Variants in TTC28 observed in about 807,000 individuals in gnomAD.
TTC28 encodes tetratricopeptide repeat domain 28.
Under a neutral mutation model 198.0 loss-of-function variants are expected in TTC28, and 61 were observed. That is an observed-to-expected ratio of 0.31 (90% CI 0.25 to 0.38). TTC28 has a LOEUF of 0.38. Among genes scored for constraint, TTC28 ranks in the 10% least tolerant of loss-of-function variants. The pLI, the probability that TTC28 is intolerant of heterozygous loss-of-function variation, is 1.00. For synonymous variants in TTC28, 1,171 were observed against 1,297.8 expected, an observed-to-expected ratio of 0.90 and a Z score of 2.10; for missense variants, 2,678 against 3,164.0, an observed-to-expected ratio of 0.85 and a Z score of 3.69.
At chr22:28,492,180 G>A (rs2146346086) in intron 2 of TTC28, among the ~76,000 whole-genome samples, 1 of 152,192 alleles carries the variant, frequency 6.6e-6, no homozygotes, top group South Asian at 2.1e-4. Context: ...GTTAATGGGT[G>A]CAGCACACCA....
At chr22:28,618,021 C>T (rs766256189) in intron 2 of TTC28, among the ~76,000 whole-genome samples, 8 of 152,292 alleles carry the variant, frequency 5.3e-5, no homozygotes, top group Non-Finnish European at 8.8e-5. Flanking sequence ...GCCTGCAATC[C>T]CAGCACTTTG....
intron 2 of TTC28, among the ~76,000 whole-genome samples, chr22:28,588,221 T>C (rs897443208): frequency 1.3e-5 from 2 of 151,772 alleles, no homozygotes; most frequent in African/African-American, 4.8e-5. Flanking sequence ...TAAAAATATA[T>C]ATAAAGCTGT....
intron 13 of TTC28, chr22:28,028,984 A>G (rs570954821): frequency 6.6e-5 from 31 of 470,990 alleles, no homozygotes; most frequent in African/African-American, 5.2e-4. Flanking sequence ...AGCTCTTCAC[A>G]CTCTAGTTTA....
rs1389339551 is a variant in TTC28, at chr22:28,105,572, C to A, written c.3014G>T (p.Gly1005Val). ...LESDAACGLG[G>V]VYQQMGEYDT... is the part of the protein sequence containing the mutation. Reference sequence around the variant, plus strand: ...ATACTCCCCCATCTGCTGGTAAACGCCCCCCAGGCCACAGGCTGCGTCACT... The same window carrying A: ...ATACTCCCCCATCTGCTGGTAAACGACCCCCAGGCCACAGGCTGCGTCACT... Residue 1005 changes from glycine to valine, a missense_variant, in exon 8 of 23, where the codon GGC becomes GTC. Physicochemically the swap from Gly to Val is moderately radical, Grantham distance 109. This residue lies in a region of TTC28 where 727 missense variants were observed against 861.9 expected (regional missense o/e 0.84). Coordinates refer to ENST00000397906, the MANE Select transcript of TTC28 (RefSeq NM_001145418.2). The A allele has an allele frequency of 1.3e-6, 2 of 1,551,706 alleles. No individual in the cohort carries two copies. The highest frequency in any genetic ancestry group is 2.0e-5 in the Admixed American group (1 of 50,990).
chr22:28,446,384 C>T (rs1294573871), intron 2 of TTC28, among the ~76,000 whole-genome samples: 7 of 151,968 alleles, frequency 4.6e-5, no homozygotes, highest in African/African-American at 1.2e-4. Flanking sequence ...GACTGTAAGG[C>T]GATATAGTTT....
chr22:28,355,849 C>T (rs920404334), intron 2 of TTC28, among the ~76,000 whole-genome samples: 9 of 152,168 alleles, frequency 5.9e-5, no homozygotes, highest in East Asian at 3.9e-4. Flanking sequence ...TCCAGAACAA[C>T]GAATTGTGTG....
intron 6 of TTC28, among the ~76,000 whole-genome samples, chr22:28,121,295 A>C (rs932467106): frequency 6.6e-6 from 1 of 152,236 alleles, no homozygotes; most frequent in Non-Finnish European, 1.5e-5. Context: ...GTTGGTTCAC[A>C]GTGAACCTCA....
intron 2 of TTC28, among the ~76,000 whole-genome samples, chr22:28,556,642 C>T (rs2049791227): frequency 2.0e-5 from 3 of 152,212 alleles, no homozygotes; most frequent in Non-Finnish European, 4.4e-5. Flanking sequence ...CGGCTTAAAA[C>T]AATAAACACC....
rs66590909 is a variant in TTC28, at chr22:28,257,739, C to CATATATATATATATATAT, written c.933+38441_933+38458dup. ...TTACCATCTTTAGATGGTAATAGAA[C>CATATATATATATATATAT]ATATATATATATATATATATATATA... is the stretch of plus-strand genomic sequence containing the variant. On this transcript the variant is annotated intron_variant, in intron 5 of 22. Coordinates refer to ENST00000397906, the MANE Select transcript of TTC28 (RefSeq NM_001145418.2). 7.6e-4 allele frequency among the ~76,000 whole-genome samples: 73 copies of CATATATATATATATATAT among 96,546 alleles called. 2 individuals carry two copies. Among genetic ancestry groups the CATATATATATATATATAT allele is most frequent in the East Asian group, 1.8e-3 (5 of 2,850 alleles). 63.3% of individuals were successfully genotyped at this position (96,546 alleles called of 152,430 possible). A position where few individuals can be genotyped will look rare whatever the true frequency, so the allele number is the denominator to read the frequency against.
In TTC28 at chr22:28,255,129, C is replaced by G. The variant is rs185638694; in HGVS notation, c.933+41069G>C. ...AATGCAGAGCCATTTTGTAGGAACT[C>G]TTCCACAATCATGCCCAGTAAAAAT... On this transcript the variant is annotated intron_variant, in intron 5 of 22. Transcript: ENST00000397906. Among the ~76,000 whole-genome samples, 53 of 152,244 alleles carry G rather than the reference C, an allele frequency of 3.5e-4. 1 individual carries two copies. The highest frequency in any genetic ancestry group is 1.5e-3 in the South Asian group (7 of 4,820).
In TTC28 at chr22:28,582,248, G is replaced by A. The variant is rs180801767; in HGVS notation, c.381+47304C>T. On this transcript the variant is annotated intron_variant, in intron 2 of 22. Transcript: ENST00000397906. ...GATAGGGAGAAGAAGATCCCAAAACGCAGAAGCAAAAATATTTATTTCTTA... is the reference window on the plus strand; with the variant it reads ...GATAGGGAGAAGAAGATCCCAAAACACAGAAGCAAAAATATTTATTTCTTA... Among the ~76,000 whole-genome samples the A allele has an allele frequency of 4.6e-5, 7 of 152,042 alleles. No homozygotes were observed. The East Asian group carries it at 1.2e-3, about 25-fold the overall frequency.
intron 2 of TTC28, among the ~76,000 whole-genome samples, chr22:28,397,263 T>C (rs1271143680): frequency 1.3e-5 from 2 of 152,168 alleles, no homozygotes; most frequent in East Asian, 3.9e-4. Context: ...ATAACTTTCA[T>C]AAAACCTTTG....
chr22:28,418,269 C>G (rs1037999095), intron 2 of TTC28, among the ~76,000 whole-genome samples: 4 of 152,120 alleles, frequency 2.6e-5, no homozygotes, highest in Admixed American at 2.6e-4. Context: ...CAGGAAAATG[C>G]TGAGCAAGTA....
intron 19 of TTC28, 106 bp from the exon 20 acceptor site, chr22:27,990,918 G>A (rs1937378478): frequency 4.4e-6 from 5 of 1,124,160 alleles, no homozygotes; most frequent in South Asian, 3.0e-5. Context: ...TTTAGGAAGC[G>A]CCACACCAGG....
intron 2 of TTC28, among the ~76,000 whole-genome samples, chr22:28,482,268 G>A (rs1173750502): frequency 1.5e-5 from 2 of 134,502 alleles, no homozygotes; most frequent in African/African-American, 2.8e-5. Flanking sequence ...GTGGAGTGCA[G>A]TGGCGCGATC....
intron 2 of TTC28, among the ~76,000 whole-genome samples, chr22:28,391,325 G>A (rs1321687388): frequency 1.3e-5 from 2 of 152,074 alleles, no homozygotes; most frequent in Non-Finnish European, 2.9e-5. Context: ...GTGTCTTGGA[G>A]TTGCTCTTCT....
rs1315612242 is a variant in TTC28 at position 28,163,263 on chromosome 22, C to A, written c.1270G>T (p.Ala424Ser). ...MSYHNYVLELAQELMEKAIEM... is the reference protein window; with the variant it reads ...MSYHNYVLELSQELMEKAIEM... ...ATAGCCTTCTCCATCAACTCCTGTG[C>A]CAGCTCCAGGACATAGTTATGGTAA... The change falls in exon 6 of 23, where the codon GCA becomes TCA. Residue 424 changes from alanine (A) to serine (S), a missense_variant. By Grantham distance (99) the Ala-to-Ser change is moderately conservative. Coordinates refer to ENST00000397906, the MANE Select transcript of TTC28 (RefSeq NM_001145418.2). 3.9e-6 allele frequency: 6 copies of A among 1,551,738 alleles called. No homozygotes were observed. The highest frequency in any genetic ancestry group is 5.2e-6 in the Non-Finnish European group (6 of 1,147,034).
intron 7 of TTC28, 147 bp from the exon 8 acceptor site, chr22:28,105,949 C>G: frequency 9.4e-7 from 1 of 1,058,214 alleles, no homozygotes; most frequent in Non-Finnish European, 1.3e-6. Context: ...ATCATGTGCC[C>G]TTAGAGTGAG....
chr22:28,438,553 T>C (rs1293252893), intron 2 of TTC28, among the ~76,000 whole-genome samples: 3 of 152,218 alleles, frequency 2.0e-5, no homozygotes, highest in Admixed American at 6.5e-5. Context: ...TCTTTTATTA[T>C]GTGTGAACAG....
Sources: allele counts gnomAD v4.1 joint callset (sites outside exome capture counted in the v4.1 genomes callset), GRCh38; gene constraint gnomAD v4.1.1; regional missense constraint gnomAD v4.1.1; transcripts MANE v1.5; gene names NCBI Gene and HGNC (gene_info 2026-07-23, HGNC 2026-07-21).